The following UGCG variants were observed in gnomAD, a reference collection of about 807,000 sequenced individuals.
UGCG encodes the protein UDP-glucose ceramide glucosyltransferase.
Under a neutral mutation model 49.5 loss-of-function variants are expected in UGCG, and 10 were observed. The observed-to-expected ratio is 0.20, with a 90% CI of 0.12 to 0.34. UGCG has a LOEUF of 0.34. UGCG is among the 10% of genes least tolerant of loss of function. The pLI, the probability that UGCG is intolerant of heterozygous loss-of-function variation, is 1.00. For missense variants in UGCG, 312 were observed against 483.7 expected (o/e 0.65, Z 3.33); for synonymous variants, 182 against 158.2 (o/e 1.15, Z -1.13).
intron 2 of UGCG, among the ~76,000 whole-genome samples, chr9:111,918,705 G>C (rs10817239): frequency 1.3e-5 from 2 of 151,652 alleles, no homozygotes; most frequent in Non-Finnish European, 2.9e-5. Context: ...AGGCCGAGGC[G>C]GGCGGATCAC....
chr9:111,897,013 CAGCGCGCAGGCGAG>C lies in UGCG; in HGVS notation c.-195_-182del, dbSNP rs1411659437. The C allele has an allele frequency of 3.8e-5, 11 of 292,248 alleles. 1 individual carries two copies. In the South Asian group the frequency reaches 1.3e-3, roughly 35 times the overall value. 18.1% of individuals were successfully genotyped at this position (292,248 alleles called of 1,614,324 possible). A position where few individuals can be genotyped will look rare whatever the true frequency, so the allele number is the denominator to read the frequency against. On this transcript the variant is annotated 5_prime_UTR_variant, in exon 1 of 9. Transcript: ENST00000374279. The stretch of plus-strand genomic sequence containing the variant: ...CAGCCGCCCGCGAGCGCGCCGAAGA[CAGCGCGCAGGCGAG>C]AGCGCGCGGGCGGGGGCGCGCAGGC...
intron 1 of UGCG, among the ~76,000 whole-genome samples, chr9:111,904,459 T>C (rs1228016511): frequency 2.6e-5 from 4 of 152,264 alleles, no homozygotes; most frequent in African/African-American, 9.6e-5. Context: ...TAGCTCCTAC[T>C]TCATACTGTG....
At chr9:111,900,790 GC>G (rs547895987) in intron 1 of UGCG, among the ~76,000 whole-genome samples, 2 of 152,000 alleles carry the variant, frequency 1.3e-5, no homozygotes, top group Non-Finnish European at 2.9e-5. Flanking sequence ...ATCATGCCTG[GC>G]CCCCTGGAGA....
chr9:111,901,777 C>A (rs1009004726), intron 1 of UGCG, among the ~76,000 whole-genome samples: 1 of 152,204 alleles, frequency 6.6e-6, no homozygotes, highest in African/African-American at 2.4e-5. Flanking sequence ...CTGCCTTTCT[C>A]TCTGACATTA....
intron 1 of UGCG, among the ~76,000 whole-genome samples, chr9:111,914,375 C>T (rs1340715631): frequency 2.0e-5 from 3 of 152,066 alleles, no homozygotes; most frequent in African/African-American, 4.8e-5. Context: ...TTTAAAAAAT[C>T]GCAAAAAATC....
Position 111,896,943 on chromosome 9 carries a change from G to GGGACCGCGGTCGCCCCGTCC in UGCG, c.-256_-255insTCCGGACCGCGGTCGCCCCG, listed in dbSNP as rs1361697405. ...GCTCGGGAGAGGCGAACCGGAGCGCGGGACCGCGGTCGCCCCGACCAGAGC... is the reference window on the plus strand; with the variant it reads ...GCTCGGGAGAGGCGAACCGGAGCGCGGGACCGCGGTCGCCCCGTCCGGACCGCGGTCGCCCCGACCAGAGC... On this transcript the variant is annotated 5_prime_UTR_variant, in exon 1 of 9. Coordinates refer to ENST00000374279, the MANE Select transcript of UGCG (RefSeq NM_003358.3). 1.0e-5 allele frequency: 2 copies of GGGACCGCGGTCGCCCCGTCC among 191,140 alleles called. No homozygotes were observed. Among genetic ancestry groups the GGGACCGCGGTCGCCCCGTCC allele is most frequent in the Non-Finnish European group, 2.1e-5 (2 of 95,122 alleles). The allele number at this position is 191,140 out of a possible 1,614,324, so 11.8% of individuals were successfully genotyped here. A position where few individuals can be genotyped will look rare whatever the true frequency, so the allele number is the denominator to read the frequency against.
At chr9:111,925,066 G>A (rs369655534) in intron 4 of UGCG, among the ~76,000 whole-genome samples, 188 bp downstream of exon 4, 2 of 151,956 alleles carry the variant, frequency 1.3e-5, no homozygotes, top group African/African-American at 4.8e-5. Context: ...AAACTAGAAT[G>A]TTACATGTAT....
chr9:111,910,985 G>A (rs1837986332), intron 1 of UGCG, among the ~76,000 whole-genome samples: 1 of 152,144 alleles, frequency 6.6e-6, no homozygotes, highest in African/African-American at 2.4e-5. Context: ...GACCTCAAGT[G>A]ATCCACCTGC....
chr9:111,906,888 T>C (rs1241250435), intron 1 of UGCG, among the ~76,000 whole-genome samples: 1 of 152,252 alleles, frequency 6.6e-6, no homozygotes, highest in Non-Finnish European at 1.5e-5. Flanking sequence ...TTTTAGTCTT[T>C]CATGGTTATT....
At chr9:111,902,123 C>T (rs1323530167) in intron 1 of UGCG, among the ~76,000 whole-genome samples, 1 of 152,188 alleles carries the variant, frequency 6.6e-6, no homozygotes, top group Admixed American at 6.5e-5. Flanking sequence ...TTCTTTCCTT[C>T]CAAAAATCTT....
intron 1 of UGCG, among the ~76,000 whole-genome samples, chr9:111,903,077 C>T (rs1347025340): frequency 2.6e-5 from 4 of 152,112 alleles, no homozygotes; most frequent in Admixed American, 2.6e-4. Context: ...TGTACCCAGC[C>T]GAGTGAAATT....
At chr9:111,913,136 C>G (rs1046565525) in intron 1 of UGCG, among the ~76,000 whole-genome samples, 1 of 152,198 alleles carries the variant, frequency 6.6e-6, no homozygotes, top group Admixed American at 6.5e-5. Context: ...TTGATTTTCA[C>G]AGTAAGTCAG....
At position 111,933,033 on chromosome 9, in the gene UGCG, G is replaced by T; in HGVS notation, c.*36G>T. The T allele has an allele frequency of 7.1e-7, 1 of 1,416,542 alleles. No homozygotes were observed. Among genetic ancestry groups the T allele is most frequent in the South Asian group, 1.8e-5 (1 of 54,568 alleles). The allele number at this position is 1,416,542 out of a possible 1,614,324, so 87.7% of individuals were successfully genotyped here. The stretch of plus-strand genomic sequence containing the variant: ...GTGACTGTATATAAAGGAAAAAAGA[G>T]AAGTATTATAAATTATGTTTATATA... On this transcript the variant is annotated 3_prime_UTR_variant, in exon 9 of 9. Transcript: ENST00000374279.
rs56298523 is a variant in UGCG, at chr9:111,926,861, C to CT, written c.558+394dup. Among the ~76,000 whole-genome samples, 473 of 56,872 alleles carry CT rather than the reference C, an allele frequency of 8.3e-3. 164 individuals are homozygous for CT. Among genetic ancestry groups the CT allele is most frequent in the Non-Finnish European group, 0.011 (300 of 27,518 alleles). 37.3% of individuals were successfully genotyped at this position (56,872 alleles called of 152,430 possible). On this transcript the variant is annotated intron_variant, in intron 5 of 8. Coordinates refer to ENST00000374279, the MANE Select transcript of UGCG (RefSeq NM_003358.3). Reference sequence around the variant, plus strand: ...GAACCGCTGGCCCCCTCCCCCCAGCCTTTTTTTTTTTTTTTTTTTTTTTTT... The same window carrying CT: ...GAACCGCTGGCCCCCTCCCCCCAGCCTTTTTTTTTTTTTTTTTTTTTTTTTT...
At position 111,897,167 on chromosome 9, in the gene UGCG, G is replaced by C. The variant is rs1300066297; in HGVS notation, c.-49G>C. 1.3e-6 allele frequency: 2 copies of C among 1,505,672 alleles called. No homozygotes were observed. The highest frequency in any genetic ancestry group is 2.8e-5 in the African/African-American group (2 of 71,610). The allele number at this position is 1,505,672 out of a possible 1,614,324, so 93.3% of individuals were successfully genotyped here. Reference sequence around the variant, plus strand: ...CCTGTCCTCCTCCTGCGGGAGCGTTGTCCGTGTTGGCGGCCGCAGCGGGCC... The same window carrying C: ...CCTGTCCTCCTCCTGCGGGAGCGTTCTCCGTGTTGGCGGCCGCAGCGGGCC... On this transcript the variant is annotated 5_prime_UTR_variant, in exon 1 of 9. Transcript: ENST00000374279.
intron 7 of UGCG, 140 bp downstream of exon 7, chr9:111,931,497 C>T (rs1188364441): frequency 3.8e-5 from 26 of 687,776 alleles, no homozygotes; most frequent in South Asian, 6.3e-5. Flanking sequence ...TAGAGTTTAA[C>T]GTCTGTGTTT....
intron 2 of UGCG, among the ~76,000 whole-genome samples, chr9:111,921,663 AGT>A (rs1564203189): frequency 1.3e-5 from 2 of 150,534 alleles, no homozygotes; most frequent in Non-Finnish European, 3.0e-5. Flanking sequence ...AAAAAAAAAA[AGT>A]TGGGTTGTTA....
At chr9:111,908,378 C>A (rs759136552) in intron 1 of UGCG, among the ~76,000 whole-genome samples, 35 of 152,120 alleles carry the variant, frequency 2.3e-4, no homozygotes, top group Non-Finnish European at 1.2e-4. Context: ...TTAAAGCCAG[C>A]AAAACTAGTC....
At chr9:111,931,727 C>T (rs1257644685) in intron 7 of UGCG, among the ~76,000 whole-genome samples, 1 of 151,958 alleles carries the variant, frequency 6.6e-6, no homozygotes, top group Admixed American at 6.6e-5. Context: ...AAAAGAGAGT[C>T]ATTAAAAAAA....
Sources: gnomAD v4.1 joint callset for allele counts (sites outside exome capture counted in the v4.1 genomes callset) on GRCh38, gnomAD v4.1.1 for gene constraint, MANE v1.5 for transcripts, NCBI Gene and HGNC (gene_info 2026-07-23, HGNC 2026-07-21) for gene names.